The following PCSK2 variants were observed in gnomAD, a reference collection of about 807,000 sequenced individuals.
PCSK2 encodes the protein proprotein convertase subtilisin/kexin type 2.
PCSK2 carries 14 observed loss-of-function variants against 69.7 expected under a neutral mutation model. The observed-to-expected ratio is 0.20, with a 90% CI of 0.13 to 0.31. PCSK2 has a LOEUF of 0.31. PCSK2 is among the 10% of genes least tolerant of loss of function. The probability of loss-of-function intolerance (pLI) is 1.00; values close to 1 mark genes in which losing one functional copy is unlikely to be tolerated. For synonymous variants in PCSK2, 307 were observed against 320.7 expected, an observed-to-expected ratio of 0.96 and a Z score of 0.46; for missense variants, 544 against 842.5, an observed-to-expected ratio of 0.65 and a Z score of 4.39.
intron 1 of PCSK2, among the ~76,000 whole-genome samples, chr20:17,257,814 C>T (rs1987234425): frequency 6.6e-6 from 1 of 152,126 alleles, no homozygotes; most frequent in Non-Finnish European, 1.5e-5. Flanking sequence ...CAGCTCTGCC[C>T]ATGTGTATGG....
At chr20:17,427,144 T>C (rs2032264754) in intron 6 of PCSK2, among the ~76,000 whole-genome samples, 1 of 152,188 alleles carries the variant, frequency 6.6e-6, no homozygotes, top group Non-Finnish European at 1.5e-5. Flanking sequence ...TAATAGGCTG[T>C]TGTGAGGATT....
chr20:17,275,158 C>G (rs1261550310), intron 2 of PCSK2, among the ~76,000 whole-genome samples: 1 of 150,332 alleles, frequency 6.7e-6, no homozygotes, highest in African/African-American at 2.4e-5. Context: ...AAAAGAGTCC[C>G]TTTCTTGTTT....
chr20:17,407,399 A>G (rs1343777317), intron 5 of PCSK2, among the ~76,000 whole-genome samples: 1 of 152,148 alleles, frequency 6.6e-6, no homozygotes, highest in African/African-American at 2.4e-5. Context: ...TTCCAAATCT[A>G]CTGCTTAAGT....
intron 7 of PCSK2, among the ~76,000 whole-genome samples, chr20:17,435,794 C>T (rs1355589906): frequency 6.6e-6 from 1 of 152,188 alleles, no homozygotes; most frequent in South Asian, 2.1e-4. Context: ...AGGCATGTGA[C>T]CCCGTCAGCG....
At chr20:17,329,794 A>C (rs1990164011) in intron 2 of PCSK2, among the ~76,000 whole-genome samples, 1 of 152,216 alleles carries the variant, frequency 6.6e-6, no homozygotes, top group Non-Finnish European at 1.5e-5. Context: ...CTGTTACGTA[A>C]ATATATGGTC....
chr20:17,423,452 AGAT>A, intron 6 of PCSK2, among the ~76,000 whole-genome samples: 1 of 152,308 alleles, frequency 6.6e-6, no homozygotes, highest in African/African-American at 2.4e-5. Context: ...AATAGATGAC[AGAT>A]GATTCCTGTT....
chr20:17,395,673 T>A (rs1006704826), intron 5 of PCSK2, among the ~76,000 whole-genome samples: 10 of 152,192 alleles, frequency 6.6e-5, no homozygotes, highest in African/African-American at 2.4e-4. Flanking sequence ...TATTTGTAAT[T>A]TATACATAAA....
chr20:17,440,888 G>A lies in PCSK2; in HGVS notation c.885+4005G>A, dbSNP rs111999712. Among the ~76,000 whole-genome samples, 1,312 of 150,390 alleles carry A rather than the reference G, an allele frequency of 8.7e-3. 19 individuals are homozygous for A. The highest frequency in any genetic ancestry group is 0.041 in the South Asian group (194 of 4,746). On this transcript the variant is annotated intron_variant, in intron 8 of 11. Transcript: ENST00000262545. ...AAAAAAAAAAAAAAAAATGCACCAA[G>A]AGGGATCAGGGCAATGAGATAGATT...
chr20:17,248,174 G>GT (rs1170938537), intron 1 of PCSK2, among the ~76,000 whole-genome samples: 5 of 83,234 alleles, frequency 6.0e-5, no homozygotes, highest in Non-Finnish European at 9.9e-5. Context: ...ATATAAAAAA[G>GT]GGTGTGTGTG....
chr20:17,268,492 G>T (rs1445690697), intron 2 of PCSK2, among the ~76,000 whole-genome samples: 1 of 152,086 alleles, frequency 6.6e-6, no homozygotes, highest in Non-Finnish European at 1.5e-5. Context: ...TATTCATGTG[G>T]ATATCTGGAG....
intron 2 of PCSK2, among the ~76,000 whole-genome samples, chr20:17,272,450 G>A (rs1408836976): frequency 1.3e-5 from 2 of 151,950 alleles, no homozygotes; most frequent in Admixed American, 6.6e-5. Context: ...GAAGGATCGA[G>A]GTATTGGTTC....
chr20:17,466,831 A>G (rs1032435314), intron 11 of PCSK2, among the ~76,000 whole-genome samples: 2 of 152,122 alleles, frequency 1.3e-5, no homozygotes, highest in Admixed American at 6.6e-5. Flanking sequence ...CACGCTCCAC[A>G]GGCACCCTTT....
intron 6 of PCSK2, among the ~76,000 whole-genome samples, chr20:17,426,275 C>T (rs7274371): frequency 0.085 from 12,980 of 152,178 alleles, 633 homozygotes; most frequent in Middle Eastern, 0.22. Flanking sequence ...CTCATTTACT[C>T]CTTCCTGCCA....
At chr20:17,399,880 T>C (rs973396432) in intron 5 of PCSK2, among the ~76,000 whole-genome samples, 3 of 152,202 alleles carry the variant, frequency 2.0e-5, no homozygotes, top group African/African-American at 7.2e-5. Context: ...GTATGATTTT[T>C]TTTTAAATCC....
intron 8 of PCSK2, among the ~76,000 whole-genome samples, chr20:17,443,375 G>A (rs79577979): frequency 6.6e-6 from 1 of 152,166 alleles, no homozygotes; most frequent in Non-Finnish European, 1.5e-5. Flanking sequence ...CTGTTTCAAT[G>A]CCTGGTCTCC....
chr20:17,412,842 A>G (rs1405472067), intron 6 of PCSK2, among the ~76,000 whole-genome samples: 2 of 152,198 alleles, frequency 1.3e-5, no homozygotes, highest in African/African-American at 4.8e-5. Context: ...CTCAGCAGAA[A>G]CCCTACAAGC....
chr20:17,413,001 A>G (rs2031912871), intron 6 of PCSK2, among the ~76,000 whole-genome samples: 1 of 152,220 alleles, frequency 6.6e-6, no homozygotes, highest in African/African-American at 2.4e-5. Context: ...TGTCACCACC[A>G]GGCCTGCCTT....
At position 17,254,877 on chromosome 20, in the gene PCSK2, T is replaced by C. The variant is rs1212941754; in HGVS notation, c.178-5363T>C. On this transcript the variant is annotated intron_variant, in intron 1 of 11. Transcript: ENST00000262545. ...TGCTTTGTACTTTTCAGTGTATACA[T>C]CTTGCACTTCTTTTGTTAAATTTAT... Among the ~76,000 whole-genome samples the C allele has an allele frequency of 2.6e-5, 4 of 152,252 alleles. No homozygotes were observed. The East Asian group carries it at 7.7e-4, about 29-fold the overall frequency.
At chr20:17,466,059 T>C (rs2033095575) in intron 11 of PCSK2, among the ~76,000 whole-genome samples, 1 of 152,196 alleles carries the variant, frequency 6.6e-6, no homozygotes, top group South Asian at 2.1e-4. Flanking sequence ...ACAGAACCCC[T>C]GCTTTTGGTT....
Sources: gnomAD v4.1 joint callset for allele counts (sites outside exome capture counted in the v4.1 genomes callset) on GRCh38, gnomAD v4.1.1 for gene constraint, MANE v1.5 for transcripts, NCBI Gene and HGNC (gene_info 2026-07-23, HGNC 2026-07-21) for gene names.